The following MYRIP variants were observed in gnomAD, a reference collection of about 807,000 sequenced individuals.
MYRIP encodes myosin VIIA and Rab interacting protein, also known as rab effector MyRIP.
A neutral mutation model predicts 98.0 loss-of-function variants in MYRIP; 49 were observed. The observed-to-expected ratio is 0.50, with a 90% CI of 0.40 to 0.63. MYRIP has a LOEUF of 0.63. MYRIP is among the 30% of genes least tolerant of loss of function. MYRIP has a pLI of 0.00. For missense variants in MYRIP, 1,004 were observed against 1,058.2 expected, an observed-to-expected ratio of 0.95 and a Z score of 0.71; for synonymous variants, 404 against 409.5, an observed-to-expected ratio of 0.99 and a Z score of 0.16.
chr3:40,032,904 G>T (rs1409025246), intron 2 of MYRIP, among the ~76,000 whole-genome samples: 3 of 152,014 alleles, frequency 2.0e-5, no homozygotes, highest in Non-Finnish European at 2.9e-5. Flanking sequence ...GTGATGCAAG[G>T]CTGGTTCAAT....
chr3:40,035,278 A>C (rs964962064), intron 2 of MYRIP, among the ~76,000 whole-genome samples: 9 of 151,958 alleles, frequency 5.9e-5, no homozygotes, highest in Admixed American at 5.9e-4. Context: ...GCAAAACCCC[A>C]AGCCTCCACC....
chr3:40,112,223 A>G (rs968626687), intron 3 of MYRIP, among the ~76,000 whole-genome samples: 7 of 142,506 alleles, frequency 4.9e-5, no homozygotes, highest in Admixed American at 1.4e-4. Context: ...TTCTACAGGA[A>G]TAGAGAAATT....
rs1227707348 is a variant in MYRIP, at chr3:40,228,399, A to G, written c.1906-5460A>G. On this transcript the variant is annotated intron_variant, in intron 11 of 16. Transcript: ENST00000302541. ...ATTCATTTTTTTCTTATAATTTTAA[A>G]AGAAATTAAAATATTTTCATGGGCC... Among the ~76,000 whole-genome samples, 2 of 152,352 alleles carry G rather than the reference A, an allele frequency of 1.3e-5. 1 individual carries two copies. The highest frequency in any genetic ancestry group is 4.1e-4 in the South Asian group (2 of 4,830).
At chr3:40,229,813 G>A (rs1024338677) in intron 11 of MYRIP, among the ~76,000 whole-genome samples, 1 of 152,124 alleles carries the variant, frequency 6.6e-6, no homozygotes, top group Admixed American at 6.5e-5. Flanking sequence ...TCTCAGAGGT[G>A]AGCATCAGTC....
At chr3:40,045,470 G>A (rs944005497) in intron 3 of MYRIP, among the ~76,000 whole-genome samples, 2 of 152,146 alleles carry the variant, frequency 1.3e-5, no homozygotes, top group Non-Finnish European at 2.9e-5. Flanking sequence ...AACAACAAAG[G>A]GAAGGAGGAA....
chr3:39,986,545 G>C (rs1946036932), intron 2 of MYRIP, among the ~76,000 whole-genome samples: 1 of 151,932 alleles, frequency 6.6e-6, no homozygotes. Flanking sequence ...GTCTTGCTCT[G>C]ACACCTACTA....
intron 2 of MYRIP, among the ~76,000 whole-genome samples, chr3:39,989,478 T>C (rs187126863): frequency 1.1e-4 from 16 of 152,334 alleles, no homozygotes; most frequent in African/African-American, 3.6e-4. Context: ...CAACCCCTGT[T>C]GGAAGATCTC....
intron 3 of MYRIP, among the ~76,000 whole-genome samples, chr3:40,121,464 C>A (rs1399805255): frequency 6.6e-6 from 1 of 151,478 alleles, no homozygotes; most frequent in Non-Finnish European, 1.5e-5. Context: ...TTTTTTCACT[C>A]TTCTTCTTCT....
At chr3:39,845,451 A>G (rs572715087) in intron 1 of MYRIP, among the ~76,000 whole-genome samples, 69 of 152,244 alleles carry the variant, frequency 4.5e-4, no homozygotes, top group African/African-American at 1.5e-3. Context: ...CTGCTTTTCA[A>G]TTATTGAAAG....
chr3:39,959,808 T>A lies in MYRIP; in HGVS notation c.110+58882T>A, dbSNP rs1945275296. ...TAAATATTGTGTAACATATGTTGAATAACCGAAGCAGAGTTCAACAGATTT... is the reference window on the plus strand; with the variant it reads ...TAAATATTGTGTAACATATGTTGAAAAACCGAAGCAGAGTTCAACAGATTT... On this transcript the variant is annotated intron_variant, in intron 2 of 16. Transcript: ENST00000302541. Among the ~76,000 whole-genome samples, 3 of 152,132 alleles carry A rather than the reference T, an allele frequency of 2.0e-5. No homozygotes were observed. In the South Asian group the frequency reaches 6.2e-4, roughly 32 times the overall value.
At chr3:40,056,368 A>G (rs1485764909) in intron 3 of MYRIP, among the ~76,000 whole-genome samples, 2 of 152,188 alleles carry the variant, frequency 1.3e-5, no homozygotes, top group Admixed American at 1.3e-4. Context: ...TGCTGATTTT[A>G]GACCTTTGGC....
chr3:39,899,369 A>G (rs1279240943), intron 1 of MYRIP, among the ~76,000 whole-genome samples: 1 of 152,130 alleles, frequency 6.6e-6, no homozygotes, highest in Admixed American at 6.5e-5. Flanking sequence ...TTTTTAAATC[A>G]TTCCTCCTAT....
chr3:40,008,114 C>T (rs567071385), intron 2 of MYRIP, among the ~76,000 whole-genome samples: 1 of 152,282 alleles, frequency 6.6e-6, no homozygotes, highest in African/African-American at 2.4e-5. Context: ...CTGGGGAAGA[C>T]CCTGGGGTAG....
At chr3:40,135,275 G>A (rs1355567899) in intron 3 of MYRIP, among the ~76,000 whole-genome samples, 1 of 152,150 alleles carries the variant, frequency 6.6e-6, no homozygotes, top group Non-Finnish European at 1.5e-5. Context: ...CTGGAAGAAA[G>A]GGTATCAGTG....
chr3:39,845,421 T>A (rs1167524066), intron 1 of MYRIP, among the ~76,000 whole-genome samples: 1 of 152,202 alleles, frequency 6.6e-6, no homozygotes, highest in South Asian at 2.1e-4. Context: ...TCTCATTTTT[T>A]AAATTATCTA....
At chr3:40,220,277 T>C (rs1274076934) in intron 11 of MYRIP, among the ~76,000 whole-genome samples, 1 of 151,674 alleles carries the variant, frequency 6.6e-6, no homozygotes, top group Non-Finnish European at 1.5e-5. Context: ...TTCTCCCATT[T>C]TGTAGGTTGC....
chr3:40,222,137 T>C (rs907320092), intron 11 of MYRIP, among the ~76,000 whole-genome samples: 20 of 152,178 alleles, frequency 1.3e-4, no homozygotes, highest in African/African-American at 4.8e-4. Context: ...GAGGTACTGC[T>C]CCTTGCACAG....
Position 40,244,436 on chromosome 3 carries a change from G to C in MYRIP, c.2101-10G>C, listed in dbSNP as rs922041386. On this transcript the variant is annotated splice_polypyrimidine_tract_variant and intron_variant, in intron 12 of 16. Transcript: ENST00000302541. Reference sequence around the variant, plus strand: ...CAGACATGAACTCAAATGTAGCACTGTCTCTACAGGTATACCTGGCAGCAG... The same window carrying C: ...CAGACATGAACTCAAATGTAGCACTCTCTCTACAGGTATACCTGGCAGCAG... 3 of 1,604,698 alleles carry C rather than the reference G, an allele frequency of 1.9e-6. No homozygotes were observed. The highest frequency in any genetic ancestry group is 2.7e-5 in the African/African-American group (2 of 74,538).
intron 2 of MYRIP, among the ~76,000 whole-genome samples, chr3:40,001,752 C>A (rs1946523546): frequency 6.6e-6 from 1 of 152,124 alleles, no homozygotes; most frequent in African/African-American, 2.4e-5. Flanking sequence ...ACTAGACAGG[C>A]AGCAAAACTA....
Sources: allele counts gnomAD v4.1 joint callset (sites outside exome capture counted in the v4.1 genomes callset), GRCh38; gene constraint gnomAD v4.1.1; transcripts MANE v1.5; gene names NCBI Gene and HGNC (gene_info 2026-07-23, HGNC 2026-07-21).